SNTG1: variants seen among roughly 807,000 people sequenced by gnomAD.
SNTG1 encodes the protein syntrophin gamma 1.
Under a neutral mutation model 74.7 loss-of-function variants are expected in SNTG1, and 39 were observed. The observed-to-expected ratio is 0.52, with a 90% CI of 0.40 to 0.68. The LOEUF (loss-of-function observed/expected upper bound fraction) is 0.68. Ranked by LOEUF, SNTG1 falls within the 30% of genes least tolerant of loss-of-function variation. The pLI is 0.00. For synonymous variants in SNTG1, 254 were observed against 217.1 expected (o/e 1.17, Z -1.49); for missense variants, 685 against 609.5 (o/e 1.12, Z -1.30).
At chr8:50,045,163 G>A (rs1397523644) in intron 1 of SNTG1, among the ~76,000 whole-genome samples, 2 of 152,114 alleles carry the variant, frequency 1.3e-5, no homozygotes, top group Non-Finnish European at 1.5e-5. Flanking sequence ...CCCTTAACTC[G>A]CTTGGTGTAT....
intron 9 of SNTG1, among the ~76,000 whole-genome samples, chr8:50,510,149 C>CT (rs1235834947): frequency 6.6e-6 from 1 of 152,130 alleles, no homozygotes; most frequent in East Asian, 1.9e-4. Context: ...TGTCAAAGGC[C>CT]TTTTTTGCAT....
intron 2 of SNTG1, among the ~76,000 whole-genome samples, chr8:50,268,948 C>T (rs948045889): frequency 3.7e-4 from 57 of 152,036 alleles, no homozygotes; most frequent in Admixed American, 1.3e-4. Context: ...TGTGAGCCAT[C>T]GCACCCAGCC....
chr8:50,356,587 G>A (rs781130679), intron 2 of SNTG1, among the ~76,000 whole-genome samples: 53 of 152,138 alleles, frequency 3.5e-4, no homozygotes, highest in Admixed American at 7.2e-4. Context: ...GTCTGGTAAG[G>A]AAGGGCCTTC....
chr8:50,741,270 G>A (rs2095542673), intron 17 of SNTG1, among the ~76,000 whole-genome samples: 1 of 151,896 alleles, frequency 6.6e-6, no homozygotes, highest in Admixed American at 6.6e-5. Flanking sequence ...TTACAGGTGT[G>A]TGCCACCAGT....
At chr8:49,912,355 T>C (rs1189518612) in intron 1 of SNTG1, 124 bp downstream of exon 1, 1 of 152,226 alleles carries the variant, frequency 6.6e-6, no homozygotes, top group Non-Finnish European at 1.5e-5. Context: ...AATTTTGTTT[T>C]AAAATAATTG....
intron 1 of SNTG1, among the ~76,000 whole-genome samples, chr8:50,152,829 C>G (rs766737379): frequency 2.0e-4 from 31 of 152,242 alleles, no homozygotes; most frequent in Non-Finnish European, 3.7e-4. Flanking sequence ...TCTCTGGCTG[C>G]CCTTAACATT....
At chr8:50,153,810 C>G (rs1398524192) in intron 1 of SNTG1, among the ~76,000 whole-genome samples, 1 of 152,138 alleles carries the variant, frequency 6.6e-6, no homozygotes, top group African/African-American at 2.4e-5. Context: ...TCAGTCTGCC[C>G]CCTACTGGGG....
At chr8:50,039,006 T>C (rs1407054947) in intron 1 of SNTG1, among the ~76,000 whole-genome samples, 1 of 152,192 alleles carries the variant, frequency 6.6e-6, no homozygotes, top group Middle Eastern at 3.2e-3. Context: ...CGATGACACA[T>C]AAGGATGCCT....
chr8:50,646,387 T>C (rs996184031), intron 13 of SNTG1, among the ~76,000 whole-genome samples: 1 of 152,202 alleles, frequency 6.6e-6, no homozygotes, highest in Admixed American at 6.5e-5. Context: ...GCATTTCCAA[T>C]AGGTTCTCAA....
chr8:50,029,663 G>A lies in SNTG1; in HGVS notation c.-103+117432G>A, dbSNP rs540170234. Among the ~76,000 whole-genome samples the A allele has an allele frequency of 3.3e-5, 5 of 152,162 alleles. No homozygotes were observed. The South Asian group carries it at 1.0e-3, about 32-fold the overall frequency. ...CATAACATCTAGTTCCCTACATGTT[G>A]CAAATGACATGATTCCATTCTTTTA... On this transcript the variant is annotated intron_variant, in intron 1 of 18. Coordinates refer to ENST00000642720, the MANE Select transcript of SNTG1 (RefSeq NM_018967.5).
intron 3 of SNTG1, among the ~76,000 whole-genome samples, chr8:50,401,165 A>G (rs879268509): frequency 5.9e-5 from 9 of 152,150 alleles, no homozygotes; most frequent in Non-Finnish European, 1.2e-4. Context: ...TATCTTAAGA[A>G]TGACTCAATA....
intron 1 of SNTG1, among the ~76,000 whole-genome samples, chr8:50,050,505 G>A (rs1819477574): frequency 6.6e-6 from 1 of 151,980 alleles, no homozygotes. Context: ...GTTTACTTGT[G>A]TATTCTTCCC....
chr8:50,027,347 C>T (rs755515611), intron 1 of SNTG1, among the ~76,000 whole-genome samples: 3 of 152,096 alleles, frequency 2.0e-5, no homozygotes, highest in Non-Finnish European at 2.9e-5. Flanking sequence ...TATCCAGACA[C>T]GTCCTATGCC....
chr8:50,644,060 A>C (rs1337227999), intron 13 of SNTG1: 5 of 152,276 alleles, frequency 3.3e-5, no homozygotes, highest in African/African-American at 4.8e-5. Context: ...ACTGTGAGAC[A>C]GGTGCCCTGG....
chr8:50,417,258 C>T lies in SNTG1; in HGVS notation c.162+14914C>T, dbSNP rs923528400. Among the ~76,000 whole-genome samples the T allele has an allele frequency of 8.6e-5, 13 of 152,032 alleles. No homozygotes were observed. In the South Asian group the frequency reaches 2.5e-3, roughly 29 times the overall value. ...GAGCATATGCAGAATTTTGACACTCCTTGAATTTTCTACTAGTTATGAAGC... is the reference window on the plus strand; with the variant it reads ...GAGCATATGCAGAATTTTGACACTCTTTGAATTTTCTACTAGTTATGAAGC... On this transcript the variant is annotated intron_variant, in intron 4 of 18. Coordinates refer to ENST00000642720, the MANE Select transcript of SNTG1 (RefSeq NM_018967.5).
At chr8:50,340,797 G>A (rs1346846810) in intron 2 of SNTG1, among the ~76,000 whole-genome samples, 2 of 151,854 alleles carry the variant, frequency 1.3e-5, no homozygotes, top group African/African-American at 2.4e-5. Flanking sequence ...GATTAAAAAT[G>A]ATGCACTCTG....
At chr8:50,348,666 A>C (rs1039444689) in intron 2 of SNTG1, among the ~76,000 whole-genome samples, 4 of 152,188 alleles carry the variant, frequency 2.6e-5, no homozygotes, top group African/African-American at 7.2e-5. Context: ...AATAAAGATG[A>C]CTATTTAAAA....
chr8:50,691,705 G>A (rs1241961513), intron 15 of SNTG1, among the ~76,000 whole-genome samples: 5 of 152,038 alleles, frequency 3.3e-5, no homozygotes, highest in Admixed American at 6.6e-5. Context: ...TTCAACTTTG[G>A]TGAATCTGAA....
intron 1 of SNTG1, among the ~76,000 whole-genome samples, chr8:49,948,248 T>A (rs1170193337): frequency 6.6e-6 from 1 of 152,256 alleles, no homozygotes; most frequent in Admixed American, 6.5e-5. Context: ...TTAATTATTT[T>A]AAAAATCTAA....
Sources: allele counts gnomAD v4.1 joint callset (sites outside exome capture counted in the v4.1 genomes callset), GRCh38; gene constraint gnomAD v4.1.1; transcripts MANE v1.5; gene names NCBI Gene and HGNC (gene_info 2026-07-23, HGNC 2026-07-21).